The following AHI1 variants were observed in gnomAD, a reference collection of about 807,000 sequenced individuals.
AHI1 encodes Abelson helper integration site 1.
A neutral mutation model predicts 149.3 loss-of-function variants in AHI1; 123 were observed. That is an observed-to-expected ratio of 0.82 (90% CI 0.71 to 0.96). The LOEUF (loss-of-function observed/expected upper bound fraction) is 0.96, where lower values mean the gene tolerates loss of function less well. Among genes scored for constraint, AHI1 ranks in the 40% least tolerant of loss-of-function variants. AHI1 has a pLI of 0.00. For missense variants in AHI1, 1,439 were observed against 1,422.7 expected (o/e 1.01, Z -0.18); for synonymous variants, 475 against 459.8 (o/e 1.03, Z -0.42).
chr6:135,370,920 G>A (rs1014105981), intron 23 of AHI1, among the ~76,000 whole-genome samples: 1 of 151,636 alleles, frequency 6.6e-6, no homozygotes, highest in African/African-American at 2.4e-5. Flanking sequence ...GTTCCCTTCT[G>A]GATTCTAACA....
intron 27 of AHI1, among the ~76,000 whole-genome samples, chr6:135,295,492 C>T (rs1312850952): frequency 1.3e-5 from 2 of 152,154 alleles, no homozygotes; most frequent in Non-Finnish European, 2.9e-5. Flanking sequence ...CCCCTATGTT[C>T]ACACAAAGAC....
At chr6:135,306,536 A>G (rs6570000) in intron 26 of AHI1, among the ~76,000 whole-genome samples, 145,764 of 152,258 alleles carry the variant, frequency 0.96, 69,819 homozygotes, top group East Asian at 1. Context: ...CAGTAGGGAA[A>G]AACAAAAAAG....
intron 3 of AHI1, 113 bp downstream of exon 3, chr6:135,495,701 T>C (rs1423494538): frequency 6.6e-6 from 1 of 152,244 alleles, no homozygotes; most frequent in Admixed American, 6.5e-5. Context: ...TATAGTTATG[T>C]ATCTGCCACT....
chr6:135,306,181 T>C (rs1269110362), intron 26 of AHI1, among the ~76,000 whole-genome samples: 3 of 152,126 alleles, frequency 2.0e-5, no homozygotes, highest in African/African-American at 7.2e-5. Context: ...ATGTGTTAAA[T>C]GAATAAATAA....
At chr6:135,449,376 T>G (rs963336156) in intron 11 of AHI1, among the ~76,000 whole-genome samples, 1 of 151,998 alleles carries the variant, frequency 6.6e-6, no homozygotes, top group African/African-American at 2.4e-5. Context: ...ATGAGAAACA[T>G]AAAAATCTTA....
At chr6:135,332,428 C>A (rs1043524529) in intron 24 of AHI1, among the ~76,000 whole-genome samples, 1 of 152,192 alleles carries the variant, frequency 6.6e-6, no homozygotes, top group African/African-American at 2.4e-5. Flanking sequence ...AAATTAACCC[C>A]ACTATCAAGG....
Position 135,284,053 on chromosome 6 carries a change from T to G in AHI1, c.*1592A>C, listed in dbSNP as rs1264614573. The G allele has an allele frequency of 6.6e-6, 1 of 152,196 alleles. No individual in the cohort carries two copies. The highest frequency in any genetic ancestry group is 2.4e-5 in the African/African-American group (1 of 41,442). The allele number at this position is 152,196 out of a possible 1,614,324, so 9.4% of individuals were successfully genotyped here. On this transcript the variant is annotated 3_prime_UTR_variant, in exon 29 of 29. Coordinates refer to ENST00000265602, the MANE Select transcript of AHI1 (RefSeq NM_001134831.2). Reference sequence around the variant, plus strand: ...TTCACAAGACAGAAAAAAACAAGCTTGTACAAGAGTGACTCAAGCTGGCTG... The same window carrying G: ...TTCACAAGACAGAAAAAAACAAGCTGGTACAAGAGTGACTCAAGCTGGCTG...
chr6:135,489,937 G>A (rs112333375), intron 5 of AHI1: 4,008 of 365,036 alleles, frequency 0.011, 143 homozygotes, highest in African/African-American at 0.076. Context: ...ACAAGAGCCT[G>A]TTTATTTTTT....
At chr6:135,320,811 C>A (rs1786705532) in intron 25 of AHI1, among the ~76,000 whole-genome samples, 1 of 152,166 alleles carries the variant, frequency 6.6e-6, no homozygotes, top group African/African-American at 2.4e-5. Context: ...TCCAGAGTGA[C>A]TACCATTGTG....
At chr6:135,486,528 G>A (rs1301580586) in intron 5 of AHI1, among the ~76,000 whole-genome samples, 1 of 151,906 alleles carries the variant, frequency 6.6e-6, no homozygotes, top group Non-Finnish European at 1.5e-5. Flanking sequence ...TTCTTGGGGG[G>A]AACTATCTGG....
chr6:135,485,091 A>T (rs545301439), intron 5 of AHI1, among the ~76,000 whole-genome samples: 1 of 141,558 alleles, frequency 7.1e-6, no homozygotes, highest in African/African-American at 2.9e-5. Flanking sequence ...TTTTTTTTTT[A>T]AGACAGAGTT....
At chr6:135,432,972 C>A in intron 16 of AHI1, 55 bp downstream of exon 16, 1 of 1,338,084 alleles carries the variant, frequency 7.5e-7, no homozygotes, top group Non-Finnish European at 1.1e-6. Context: ...AACTATTATT[C>A]TGGTAAAAAA....
chr6:135,327,798 AC>A (rs758312208), intron 24 of AHI1, among the ~76,000 whole-genome samples: 1 of 152,152 alleles, frequency 6.6e-6, no homozygotes, highest in Non-Finnish European at 1.5e-5. Flanking sequence ...ACCTAAGAGG[AC>A]TGGGTTAGCA....
rs115121624 is a variant in AHI1, at chr6:135,400,550, G to A, written c.2988+4401C>T. ...TACATAAAGATTAGAAGCGAAAGCA[G>A]TTATTATGTAAAATTTAAAGAGACA... On this transcript the variant is annotated intron_variant, in intron 22 of 28. Coordinates refer to ENST00000265602, the MANE Select transcript of AHI1 (RefSeq NM_001134831.2). 3.5e-3 allele frequency among the ~76,000 whole-genome samples: 528 copies of A among 152,254 alleles called. 5 individuals are homozygous for A. Among genetic ancestry groups the A allele is most frequent in the African/African-American group, 0.012 (509 of 41,560 alleles).
intron 4 of AHI1, among the ~76,000 whole-genome samples, chr6:135,491,993 T>C (rs182421398): frequency 3.3e-5 from 5 of 152,312 alleles, no homozygotes; most frequent in Non-Finnish European, 7.4e-5. Flanking sequence ...GTAATCATTA[T>C]TTACCTTGTC....
At chr6:135,431,357 G>T in intron 16 of AHI1, 43 bp from the exon 17 acceptor site, 1 of 1,246,000 alleles carries the variant, frequency 8.0e-7, no homozygotes, top group Non-Finnish European at 1.1e-6. Context: ...ATGTCACACA[G>T]AGTTAGAAAC....
intron 22 of AHI1, among the ~76,000 whole-genome samples, chr6:135,399,419 A>G (rs1779710547): frequency 1.3e-5 from 2 of 152,140 alleles, no homozygotes; most frequent in Admixed American, 1.3e-4. Flanking sequence ...GCTTGTCTCC[A>G]TGATAAAACT....
chr6:135,352,231 T>G (rs1056177523), intron 24 of AHI1, among the ~76,000 whole-genome samples: 1 of 152,188 alleles, frequency 6.6e-6, no homozygotes, highest in Non-Finnish European at 1.5e-5. Flanking sequence ...TCAAATACCT[T>G]ACTATTGCTT....
intron 5 of AHI1, among the ~76,000 whole-genome samples, chr6:135,473,934 G>A (rs182974407): frequency 3.1e-4 from 47 of 152,122 alleles, no homozygotes; most frequent in Admixed American, 1.3e-3. Context: ...GCATAAACAC[G>A]CATTCAGTAG....
Sources: gnomAD v4.1 joint callset for allele counts (sites outside exome capture counted in the v4.1 genomes callset) on GRCh38, gnomAD v4.1.1 for gene constraint, MANE v1.5 for transcripts, NCBI Gene and HGNC (gene_info 2026-07-23, HGNC 2026-07-21) for gene names.